SPTLC2: variants seen among roughly 807,000 people sequenced by gnomAD.
SPTLC2 encodes the protein serine palmitoyltransferase 2.
In SPTLC2, 21 loss-of-function variants were observed where a neutral mutation model predicts 62.0. The observed-to-expected ratio is 0.34, with a 90% CI of 0.24 to 0.49. The LOEUF is 0.49. Ranked by LOEUF, SPTLC2 falls within the 20% of genes least tolerant of loss-of-function variation. SPTLC2 has a pLI of 0.99. For missense variants in SPTLC2, 511 were observed against 713.0 expected (o/e 0.72, Z 3.23); for synonymous variants, 261 against 261.8 (o/e 1.00, Z 0.03).
At chr14:77,557,314 T>C in intron 6 of SPTLC2, 168 bp from the exon 7 acceptor site, 1 of 626,492 alleles carries the variant, frequency 1.6e-6, no homozygotes, top group South Asian at 1.9e-5. Context: ...TATTGCCACC[T>C]TGAATTGAAA....
At chr14:77,533,104 C>A (rs886692459) in intron 9 of SPTLC2, among the ~76,000 whole-genome samples, 1 of 152,050 alleles carries the variant, frequency 6.6e-6, no homozygotes, top group Non-Finnish European at 1.5e-5. Context: ...TTGAGACCAG[C>A]TTGACCAACA....
chr14:77,616,553 GCAGCA>G lies in SPTLC2; in HGVS notation c.22_26del (p.Cys8LeufsTer47). ...CATTCGCCCGCACCGTGCGGCGGCA[GCAGCA>G]GCCTCCGGGCTCCGGCCGCATCTTC... On this transcript the variant is annotated frameshift_variant, in exon 1 of 12. Coordinates refer to ENST00000216484, the MANE Select transcript of SPTLC2 (RefSeq NM_004863.4). LOFTEE classifies it high-confidence loss of function. 6.5e-7 allele frequency: 1 copy of G among 1,536,852 alleles called. No individual in the cohort carries two copies. Among genetic ancestry groups the G allele is most frequent in the Non-Finnish European group, 8.7e-7 (1 of 1,147,250 alleles).
rs567769552 is a variant in SPTLC2, at chr14:77,591,368, C to A, written c.327+5818G>T. Among the ~76,000 whole-genome samples the A allele has an allele frequency of 1.3e-3, 194 of 152,248 alleles. 1 individual carries two copies. The highest frequency in any genetic ancestry group is 4.5e-3 in the African/African-American group (188 of 41,560). ...AGTGACTGCTAATGGTTCATGGTTT[C>A]TTTTTCAGAAGAGAAAAACATTACA... On this transcript the variant is annotated intron_variant, in intron 2 of 11. Coordinates refer to ENST00000216484, the MANE Select transcript of SPTLC2 (RefSeq NM_004863.4).
chr14:77,590,122 T>C (rs1366822590), intron 2 of SPTLC2, among the ~76,000 whole-genome samples: 1 of 152,064 alleles, frequency 6.6e-6, no homozygotes. Flanking sequence ...ACTATGGGTG[T>C]AGGCCACCAC....
rs139650078 is a variant in SPTLC2, at chr14:77,530,858, G to T, written c.1304-9277C>A. On this transcript the variant is annotated intron_variant, in intron 9 of 11. Transcript: ENST00000216484. ...AGGATTGACTAAAAGGGAATGTTAAGTATTTAACGTAGGAATTTAGAAGAG... is the reference window on the plus strand; with the variant it reads ...AGGATTGACTAAAAGGGAATGTTAATTATTTAACGTAGGAATTTAGAAGAG... Among the ~76,000 whole-genome samples, 148 of 152,298 alleles carry T rather than the reference G, an allele frequency of 9.7e-4. No homozygotes were observed. The Middle Eastern group carries it at 0.014, about 14-fold the overall frequency.
intron 2 of SPTLC2, among the ~76,000 whole-genome samples, chr14:77,579,749 A>T (rs1393437363): frequency 6.6e-6 from 1 of 152,174 alleles, no homozygotes; most frequent in Non-Finnish European, 1.5e-5. Context: ...CAACAAAAAA[A>T]ACCCTGATGT....
chr14:77,510,733 C>T lies in SPTLC2; in HGVS notation c.*1551G>A, dbSNP rs999259489. 1 of 152,274 alleles carries T rather than the reference C, an allele frequency of 6.6e-6. No homozygotes were observed. Among genetic ancestry groups the T allele is most frequent in the African/African-American group, 2.4e-5 (1 of 41,426 alleles). The allele number at this position is 152,274 out of a possible 1,614,324, so 9.4% of individuals were successfully genotyped here. On this transcript the variant is annotated 3_prime_UTR_variant, in exon 12 of 12. Coordinates refer to ENST00000216484, the MANE Select transcript of SPTLC2 (RefSeq NM_004863.4). ...AAGTGAGCCACCTGCCTCAGCCTCC[C>T]AAAGTGCTAGGATTACAGGTGTGAG...
At chr14:77,609,566 T>C (rs913646264) in intron 1 of SPTLC2, among the ~76,000 whole-genome samples, 4 of 152,060 alleles carry the variant, frequency 2.6e-5, no homozygotes, top group Non-Finnish European at 4.4e-5. Context: ...TGAAACCCCA[T>C]CTCTACTAAA....
At chr14:77,606,097 C>T (rs1013143858) in intron 1 of SPTLC2, among the ~76,000 whole-genome samples, 2 of 152,180 alleles carry the variant, frequency 1.3e-5, no homozygotes, top group East Asian at 1.9e-4. Context: ...TTTGGGAGGC[C>T]GAGGCAGGCT....
rs780138894 is a variant in SPTLC2 at position 77,552,124 on chromosome 14, G to A, written c.1275C>T (p.Cys425=). The part of the protein sequence containing the change: ...VVEQIITSMK[C]IMGQDGTSLG... Reference sequence around the variant, plus strand: ...GGCTGGTGCCATCCTGCCCCATGATGCACTTCATGGAGGTGATGATCTGCT... The same window carrying A: ...GGCTGGTGCCATCCTGCCCCATGATACACTTCATGGAGGTGATGATCTGCT... The change falls in exon 9 of 12, where the codon TGC becomes TGT. Residue 425 remains cysteine, a synonymous_variant. Coordinates refer to ENST00000216484, the MANE Select transcript of SPTLC2 (RefSeq NM_004863.4). 2 of 1,614,130 alleles carry A rather than the reference G, an allele frequency of 1.2e-6. No homozygotes were observed. Among genetic ancestry groups the A allele is most frequent in the South Asian group, 1.1e-5 (1 of 91,056 alleles).
In SPTLC2 at chr14:77,508,724, G is replaced by C. The variant is rs1195142299; in HGVS notation, c.*3560C>G. On this transcript the variant is annotated 3_prime_UTR_variant, in exon 12 of 12. Transcript: ENST00000216484. ...AACTAGTTGAGAAATTTAGATGCAG[G>C]CTCCCTTAGGTAATGAAGAAATTTG... 2 of 152,060 alleles carry C rather than the reference G, an allele frequency of 1.3e-5. No homozygotes were observed. Among genetic ancestry groups the C allele is most frequent in the African/African-American group, 4.8e-5 (2 of 41,398 alleles). 9.4% of individuals were successfully genotyped at this position (152,060 alleles called of 1,614,324 possible). A position where few individuals can be genotyped will look rare whatever the true frequency, so the allele number is the denominator to read the frequency against.
chr14:77,615,132 A>C (rs921053961), intron 1 of SPTLC2, among the ~76,000 whole-genome samples: 2 of 152,208 alleles, frequency 1.3e-5, no homozygotes, highest in Admixed American at 6.5e-5. Context: ...ACGACAAACT[A>C]TTCCACTGCT....
rs2272588 is a variant in SPTLC2 at position 77,557,371 on chromosome 14, A to G, written c.851-225T>C. The G allele has an allele frequency of 0.47, 260,923 of 551,066 alleles. 66,313 individuals carry two copies. Among genetic ancestry groups the G allele is most frequent in the East Asian group, 0.9 (29,174 of 32,274 alleles). The allele number at this position is 551,066 out of a possible 1,614,324, so 34.1% of individuals were successfully genotyped here. ...AAAACCATCGAAACTTGACTAAAGGACGGTGGTGGCTAACTCAGTTCATTA... is the reference window on the plus strand; with the variant it reads ...AAAACCATCGAAACTTGACTAAAGGGCGGTGGTGGCTAACTCAGTTCATTA... On this transcript the variant is annotated intron_variant, in intron 6 of 11. Coordinates refer to ENST00000216484, the MANE Select transcript of SPTLC2 (RefSeq NM_004863.4).
At chr14:77,522,881 G>C (rs970033915) in intron 9 of SPTLC2, among the ~76,000 whole-genome samples, 1 of 152,142 alleles carries the variant, frequency 6.6e-6, no homozygotes, top group African/African-American at 2.4e-5. Context: ...CATACAGATA[G>C]CTAACAATGT....
At chr14:77,593,919 G>A (rs2079832500) in intron 2 of SPTLC2, among the ~76,000 whole-genome samples, 1 of 152,276 alleles carries the variant, frequency 6.6e-6, no homozygotes, top group Middle Eastern at 3.4e-3. Flanking sequence ...GGAAAGGAAT[G>A]ACTTTTCCTT....
chr14:77,545,810 T>G lies in SPTLC2; in HGVS notation c.1303+6286A>C, dbSNP rs1269260535. Among the ~76,000 whole-genome samples the G allele has an allele frequency of 2.0e-5, 3 of 152,264 alleles. No homozygotes were observed. In the East Asian group the frequency reaches 5.8e-4, roughly 29 times the overall value. On this transcript the variant is annotated intron_variant, in intron 9 of 11. Transcript: ENST00000216484. ...TCCTAATTGCTAGCTTCAAACTAAC[T>G]CTGAAACGAGGCACAAAAGGAGAGA...
chr14:77,553,729 CAAAAAA>C (rs34500527), intron 8 of SPTLC2, among the ~76,000 whole-genome samples: 3 of 96,576 alleles, frequency 3.1e-5, no homozygotes, highest in Non-Finnish European at 5.9e-5. Context: ...GGCTTGGTCT[CAAAAAA>C]AAAAAAAAAA....
At chr14:77,567,593 C>A (rs561355526) in intron 5 of SPTLC2, among the ~76,000 whole-genome samples, 1 of 152,064 alleles carries the variant, frequency 6.6e-6, no homozygotes, top group South Asian at 2.1e-4. Context: ...AGTGATGTCC[C>A]CCTCTCTCAT....
chr14:77,564,119 C>T (rs1007622681), intron 5 of SPTLC2, among the ~76,000 whole-genome samples: 11 of 150,796 alleles, frequency 7.3e-5, no homozygotes, highest in East Asian at 2.0e-4. Context: ...ATTAGCTGGG[C>T]GTGGTGGCAG....
Sources: gnomAD v4.1 joint callset for allele counts (sites outside exome capture counted in the v4.1 genomes callset) on GRCh38, gnomAD v4.1.1 for gene constraint, MANE v1.5 for transcripts, NCBI Gene and HGNC (gene_info 2026-07-23, HGNC 2026-07-21) for gene names.